TBC1D9B: variants seen among roughly 807,000 people sequenced by gnomAD.
TBC1D9B encodes the protein TBC1 domain family member 9B.
TBC1D9B carries 87 observed loss-of-function variants against 121.1 expected under a neutral mutation model. The ratio of observed to expected loss-of-function variants is 0.72; its 90% CI spans 0.60 to 0.86. TBC1D9B has a LOEUF of 0.86. Ranked by LOEUF, TBC1D9B falls within the 40% of genes least tolerant of loss-of-function variation. TBC1D9B has a pLI of 0.00. For missense variants in TBC1D9B, 1,540 were observed against 1,628.6 expected (o/e 0.95, Z 0.94); for synonymous variants, 668 against 670.1 (o/e 1.00, Z 0.05).
Position 179,875,970 on chromosome 5 carries a change from A to G in TBC1D9B, c.1850T>C (p.Val617Ala). 1 of 1,612,144 alleles carries G rather than the reference A, an allele frequency of 6.2e-7. No individual in the cohort carries two copies. The highest frequency in any genetic ancestry group is 8.5e-7 in the Non-Finnish European group (1 of 1,179,448). ...GGGCAGCATGCGCTCGCACAGGGCC[A>G]CCAGGAGCCAGAAGGCCTCCTCCTC... ...GSEEEAFWLL[V>A]ALCERMLPDY... Residue 617 changes from valine to alanine, a missense_variant, in exon 11 of 21, where the codon GTG becomes GCG. Coordinates refer to ENST00000355235, the MANE Select transcript of TBC1D9B (RefSeq NM_015043.4). The surrounding 1 kb of genome is among the most constrained non-coding windows in gnomAD (Gnocchi z 4.5).
intron 10 of TBC1D9B, among the ~76,000 whole-genome samples, chr5:179,877,070 C>CAAAA (rs58537646): frequency 1.9e-3 from 65 of 34,132 alleles, no homozygotes; most frequent in African/African-American, 5.7e-3. Context: ...GATCCTGTCT[C>CAAAA]AAAAAAAAAA....
In TBC1D9B at chr5:179,879,753, C is replaced by A. The variant is rs1333173737; in HGVS notation, c.1291G>T (p.Ala431Ser). 6.2e-7 allele frequency: 1 copy of A among 1,613,710 alleles called. No individual in the cohort carries two copies. The highest frequency in any genetic ancestry group is 1.3e-5 in the African/African-American group (1 of 75,054). The change falls in exon 8 of 21, where the codon GCC becomes TCC. Residue 431 changes from alanine (A) to serine (S), a missense_variant. By Grantham distance (99) the Ala-to-Ser change is moderately conservative. Coordinates refer to ENST00000355235, the MANE Select transcript of TBC1D9B (RefSeq NM_015043.4). ...CTGCTGAGGGGAGAGGCTGGGCTGG[C>A]GGGCTGCTCCGACCCCTCCTGAGGA... ...PAPQEGSEQP[A>S]SPASPLSSRQ...
intron 3 of TBC1D9B, among the ~76,000 whole-genome samples, chr5:179,897,109 G>A (rs1163445785): frequency 1.3e-5 from 2 of 151,544 alleles, no homozygotes; most frequent in African/African-American, 2.4e-5. Flanking sequence ...GGGTTTCACT[G>A]TGTTAGCCAG....
Position 179,891,622 on chromosome 5 carries a change from G to C in TBC1D9B, c.837-36C>G, listed in dbSNP as rs1193957235. The C allele has an allele frequency of 1.2e-6, 2 of 1,604,986 alleles. No individual in the cohort carries two copies. The highest frequency in any genetic ancestry group is 1.7e-6 in the Non-Finnish European group (2 of 1,177,098). ...AAGGTAGGAGGACAGGAGGAAAGGG[G>C]ACAAGGTCAGGACCAGCACACTCTC... On this transcript the variant is annotated intron_variant, in intron 5 of 20. Coordinates refer to ENST00000355235, the MANE Select transcript of TBC1D9B (RefSeq NM_015043.4). This position sits in a 1 kb window ranked among gnomAD's most constrained non-coding sequence, Gnocchi z 4.3.
intron 3 of TBC1D9B, among the ~76,000 whole-genome samples, chr5:179,897,070 C>G (rs1401356409): frequency 6.6e-6 from 1 of 151,860 alleles, no homozygotes; most frequent in Non-Finnish European, 1.5e-5. Context: ...CCATGCCCGG[C>G]TAATTTTTTT....
chr5:179,869,209 G>A (rs533348742), intron 17 of TBC1D9B: 7 of 220,258 alleles, frequency 3.2e-5, no homozygotes, highest in East Asian at 2.6e-4. Flanking sequence ...ACCTGCCTGC[G>A]CCTTTGTTTC....
intron 2 of TBC1D9B, among the ~76,000 whole-genome samples, chr5:179,899,752 C>T (rs1227952091): frequency 6.6e-6 from 1 of 152,140 alleles, no homozygotes; most frequent in Admixed American, 6.5e-5. Flanking sequence ...TCTAGGTATC[C>T]ACAGATAAGC....
At chr5:179,903,696 T>A (rs248222) in intron 2 of TBC1D9B, among the ~76,000 whole-genome samples, 8 of 152,040 alleles carry the variant, frequency 5.3e-5, no homozygotes, top group Non-Finnish European at 8.8e-5. Context: ...CACGCCTGAA[T>A]GAAGCTGCTC....
At chr5:179,866,480 G>GT (rs1760014702) in intron 18 of TBC1D9B, 1 of 152,416 alleles carries the variant, frequency 6.6e-6, no homozygotes, top group South Asian at 2.1e-4. Flanking sequence ...AGTGTGGCTG[G>GT]TGGGGGCACC....
intron 3 of TBC1D9B, among the ~76,000 whole-genome samples, chr5:179,895,867 A>G (rs1761004232): frequency 6.6e-6 from 1 of 152,220 alleles, no homozygotes; most frequent in Admixed American, 6.5e-5. Context: ...ATCCCAAAAT[A>G]TGCCCTTTTG....
chr5:179,880,007 T>C (rs189781124), intron 7 of TBC1D9B: 422 of 606,248 alleles, frequency 7.0e-4, no homozygotes, highest in Non-Finnish European at 1.0e-3. Context: ...CCTCAGTAAT[T>C]AACCCCACTC....
intron 3 of TBC1D9B, among the ~76,000 whole-genome samples, chr5:179,896,035 C>T (rs947690836): frequency 3.3e-5 from 5 of 152,178 alleles, no homozygotes; most frequent in African/African-American, 1.2e-4. Context: ...TGACACCGCA[C>T]GCATCTGCAA....
chr5:179,878,903 A>AGAGCCCAGAGCCCG lies in TBC1D9B; in HGVS notation c.1567+143_1567+144insCGGGCTCTGGGCTC, dbSNP rs1199200191. ...GGTCCCGGGCCAGAGCCCAGAGCCC[A>AGAGCCCAGAGCCCG]GAGCCCGGCTCCCGGCTGTGTGAAA... On this transcript the variant is annotated intron_variant, in intron 9 of 20. Coordinates refer to ENST00000355235, the MANE Select transcript of TBC1D9B (RefSeq NM_015043.4). The AGAGCCCAGAGCCCG allele has an allele frequency of 9.8e-4, 1,182 of 1,207,514 alleles. 8 individuals carry two copies. The African/African-American group carries it at 0.016, about 16-fold the overall frequency. The allele number at this position is 1,207,514 out of a possible 1,614,324, so 74.8% of individuals were successfully genotyped here. A position where few individuals can be genotyped will look rare whatever the true frequency, so the allele number is the denominator to read the frequency against.
At chr5:179,869,344 G>A (rs1276875290) in intron 17 of TBC1D9B, 8 of 360,944 alleles carry the variant, frequency 2.2e-5, no homozygotes, top group Non-Finnish European at 4.4e-5. Flanking sequence ...GCACCACTGA[G>A]AGGCCAGAGA....
Position 179,879,642 on chromosome 5 carries a change from G to A in TBC1D9B, c.1402C>T (p.Leu468Phe). 6.2e-7 allele frequency: 1 copy of A among 1,614,028 alleles called. No homozygotes were observed. Among genetic ancestry groups the A allele is most frequent in the Non-Finnish European group, 8.5e-7 (1 of 1,179,944 alleles). Residue 468 changes from leucine (L) to phenylalanine (F), a missense_variant, in exon 8 of 21, where the codon CTT (leucine) becomes TTT (phenylalanine). By Grantham distance (22) the Leu-to-Phe change is conservative. Coordinates refer to ENST00000355235, the MANE Select transcript of TBC1D9B (RefSeq NM_015043.4). ...TCAGGGCTCACCCCCTTGGCTCCAAGGTCCTCCATGGGCGAGTTTTTCTGG... is the reference window on the plus strand; with the variant it reads ...TCAGGGCTCACCCCCTTGGCTCCAAAGTCCTCCATGGGCGAGTTTTTCTGG... ...LFQKNSPMED[L>F]GAKGAKEKMK...
In TBC1D9B at chr5:179,869,905, G is replaced by A. The variant is rs149845410; in HGVS notation, c.2726-71C>T. ...GAGCCCCTTCCAGGGGGTCCGAGTA[G>A]GACCCTCTTCACAGCCTGTGCTGCC... On this transcript the variant is annotated intron_variant, in intron 16 of 20. Coordinates refer to ENST00000355235, the MANE Select transcript of TBC1D9B (RefSeq NM_015043.4). The A allele has an allele frequency of 1.0e-3, 1,482 of 1,421,924 alleles. 4 individuals carry two copies. Among genetic ancestry groups the A allele is most frequent in the Non-Finnish European group, 1.2e-3 (1,287 of 1,058,576 alleles). 88.1% of individuals were successfully genotyped at this position (1,421,924 alleles called of 1,614,324 possible). A position where few individuals can be genotyped will look rare whatever the true frequency, so the allele number is the denominator to read the frequency against.
chr5:179,894,217 C>A (rs1013747536), intron 4 of TBC1D9B, among the ~76,000 whole-genome samples, 169 bp downstream of exon 4: 1 of 152,160 alleles, frequency 6.6e-6, no homozygotes, highest in African/African-American at 2.4e-5. Context: ...CGGCTGGGAG[C>A]AGGTGTACGC....
Position 179,878,436 on chromosome 5 carries a change from T to G in TBC1D9B, c.1655A>C (p.Glu552Ala). ...GGAGCGGTGCAGGTCTCGCTCGATC[T>G]CCTCTGTGGCCAGGCTGTACTTCCC... ...STGKYSLATE[E>A]IERDLHRSMP... Residue 552 changes from glutamate to alanine, a missense_variant, in exon 10 of 21, where the codon GAG becomes GCG. By Grantham distance (107) the Glu-to-Ala change is moderately radical. Transcript: ENST00000355235. 3 of 1,613,236 alleles carry G rather than the reference T, an allele frequency of 1.9e-6. No individual in the cohort carries two copies. The highest frequency in any genetic ancestry group is 2.5e-6 in the Non-Finnish European group (3 of 1,179,694).
At position 179,904,760 on chromosome 5, in the gene TBC1D9B, G is replaced by T. The variant is rs1205889303; in HGVS notation, c.171C>A (p.Ala57=). The T allele has an allele frequency of 6.3e-7, 1 of 1,579,232 alleles. No homozygotes were observed. Among genetic ancestry groups the T allele is most frequent in the Admixed American group, 1.8e-5 (1 of 54,408 alleles). ...GGGTCTGGTGCAGGATGCGGTAAGG[G>T]GCCACGCGGGCACTGGAGTCCAGCA... The part of the protein sequence containing the change: ...DVVLDSSARV[A]PYRILHQTQD... Residue 57 remains alanine, a synonymous_variant, in exon 2 of 21, where the codon GCC becomes GCA. Transcript: ENST00000355235. The surrounding 1 kb of genome is among the most constrained non-coding windows in gnomAD (Gnocchi z 4.2).
Sources: gnomAD v4.1 joint callset for allele counts (sites outside exome capture counted in the v4.1 genomes callset) on GRCh38, gnomAD v4.1.1 for gene constraint, Gnocchi (gnomAD v3.1) non-coding constraint, MANE v1.5 for transcripts, NCBI Gene and HGNC (gene_info 2026-07-23, HGNC 2026-07-21) for gene names.